The following CAMSAP1 variants were observed in gnomAD, a reference collection of about 807,000 sequenced individuals.
CAMSAP1 encodes calmodulin regulated spectrin associated protein 1.
CAMSAP1 carries 58 observed loss-of-function variants against 143.5 expected under a neutral mutation model. The observed-to-expected ratio is 0.40, with a 90% CI of 0.33 to 0.50. The LOEUF is 0.50. Among genes scored for constraint, CAMSAP1 ranks in the 20% least tolerant of loss-of-function variants. CAMSAP1 has a pLI of 0.45. For synonymous variants in CAMSAP1, 945 were observed against 859.3 expected, an observed-to-expected ratio of 1.10 and a Z score of -1.74; for missense variants, 1,969 against 2,115.7, an observed-to-expected ratio of 0.93 and a Z score of 1.36.
intron 7 of CAMSAP1, among the ~76,000 whole-genome samples, chr9:135,828,201 C>T (rs1442074086): frequency 2.0e-5 from 3 of 152,252 alleles, no homozygotes; most frequent in Non-Finnish European, 4.4e-5. Context: ...CAGCCCCAAA[C>T]AGTGACTCTG....
At chr9:135,861,309 C>T (rs1837181929) in intron 5 of CAMSAP1, among the ~76,000 whole-genome samples, 2 of 144,448 alleles carry the variant, frequency 1.4e-5, no homozygotes. Flanking sequence ...CTCCTTCTTC[C>T]TTTTTTTTTT....
chr9:135,884,970 T>C (rs903057437), intron 1 of CAMSAP1, among the ~76,000 whole-genome samples: 1 of 152,128 alleles, frequency 6.6e-6, no homozygotes, highest in East Asian at 1.9e-4. Context: ...CTGAAAACGT[T>C]TGCAGCAGTT....
chr9:135,897,784 A>C (rs1838500815), intron 1 of CAMSAP1, among the ~76,000 whole-genome samples: 2 of 152,222 alleles, frequency 1.3e-5, no homozygotes, highest in African/African-American at 4.8e-5. Context: ...CATGCTACTC[A>C]GAACAGCATG....
At chr9:135,869,513 A>C (rs1035448678) in intron 3 of CAMSAP1, among the ~76,000 whole-genome samples, 10 of 152,072 alleles carry the variant, frequency 6.6e-5, no homozygotes, top group Non-Finnish European at 1.2e-4. Context: ...AAACAAAAAA[A>C]AAAAAAAACA....
At chr9:135,849,243 T>A (rs1019120460) in intron 7 of CAMSAP1, among the ~76,000 whole-genome samples, 4 of 152,200 alleles carry the variant, frequency 2.6e-5, no homozygotes, top group African/African-American at 9.7e-5. Context: ...TGTTTTAGAA[T>A]AAAGTGCTGA....
chr9:135,853,945 C>G (rs1353683510), intron 5 of CAMSAP1, among the ~76,000 whole-genome samples: 1 of 152,248 alleles, frequency 6.6e-6, no homozygotes, highest in Non-Finnish European at 1.5e-5. Context: ...ACTGAGATGA[C>G]TGTAGAGAAT....
rs768391380 is a variant in CAMSAP1 at position 135,821,878 on chromosome 9, G to A, written c.2783C>T (p.Pro928Leu). 19 of 1,613,884 alleles carry A rather than the reference G, an allele frequency of 1.2e-5. No individual in the cohort carries two copies. In the African/African-American group the frequency reaches 2.0e-4, roughly 17 times the overall value. ...VVKKGKAEAA[P>L]PLRPEHFAKE... ...TGCAAAGTGCTCCGGCCTGAGGGGTGGGGCAGCCTCGGCCTTGCCCTTCTT... is the reference window on the plus strand; with the variant it reads ...TGCAAAGTGCTCCGGCCTGAGGGGTAGGGCAGCCTCGGCCTTGCCCTTCTT... Residue 928 changes from proline (P) to leucine (L), a missense_variant, in exon 11 of 17, where the codon CCA (proline) becomes CTA (leucine). By Grantham distance (98) the Pro-to-Leu change is moderately conservative. Transcript: ENST00000389532. This position sits in a 1 kb window ranked among gnomAD's most constrained non-coding sequence, Gnocchi z 4.6.
intron 14 of CAMSAP1, among the ~76,000 whole-genome samples, chr9:135,817,466 A>G (rs569525202): frequency 6.6e-6 from 1 of 152,018 alleles, no homozygotes; most frequent in East Asian, 1.9e-4. Context: ...AGCACAGCTC[A>G]CTGCAGCCTC....
Position 135,862,542 on chromosome 9 carries a change from T to C in CAMSAP1, c.733A>G (p.Met245Val). The C allele has an allele frequency of 6.4e-7, 1 of 1,551,734 alleles. No homozygotes were observed. Among genetic ancestry groups the C allele is most frequent in the Non-Finnish European group, 8.7e-7 (1 of 1,147,006 alleles). Reference sequence around the variant, plus strand: ...GCAGCACCATCACTGCCGTCTCTCATCAAATCCTCCAACAACGGGAAGTAG... The same window carrying C: ...GCAGCACCATCACTGCCGTCTCTCACCAAATCCTCCAACAACGGGAAGTAG... ...SPYFPLLEDL[M>V]RDGSDGAALL... is the part of the protein sequence containing the mutation. Residue 245 changes from methionine (M) to valine (V), a missense_variant, in exon 5 of 17, where the codon ATG (methionine) becomes GTG (valine). By Grantham distance (21) the Met-to-Val change is conservative. Coordinates refer to ENST00000389532, the MANE Select transcript of CAMSAP1 (RefSeq NM_015447.4).
At position 135,818,387 on chromosome 9, in the gene CAMSAP1, G is replaced by C. The variant is rs1273159185; in HGVS notation, c.4168+21C>G. The C allele has an allele frequency of 1.3e-6, 2 of 1,545,286 alleles. No individual in the cohort carries two copies. The highest frequency in any genetic ancestry group is 1.9e-5 in the Admixed American group (1 of 52,796). ...GCCCGCGGAAGGAAGCGCTGCCCGCGTGAGGGCCGGGGCTGCTTACGGGTG... is the reference window on the plus strand; with the variant it reads ...GCCCGCGGAAGGAAGCGCTGCCCGCCTGAGGGCCGGGGCTGCTTACGGGTG... On this transcript the variant is annotated intron_variant, in intron 13 of 16. Coordinates refer to ENST00000389532, the MANE Select transcript of CAMSAP1 (RefSeq NM_015447.4). The surrounding 1 kb of genome is among the most constrained non-coding windows in gnomAD (Gnocchi z 7.7).
Position 135,817,897 on chromosome 9 carries a change from C to T in CAMSAP1, c.4271+80G>A, listed in dbSNP as rs188390313. 52 of 1,074,290 alleles carry T rather than the reference C, an allele frequency of 4.8e-5. No homozygotes were observed. The Middle Eastern group carries it at 1.0e-3, about 22-fold the overall frequency. 66.5% of individuals were successfully genotyped at this position (1,074,290 alleles called of 1,614,324 possible). On this transcript the variant is annotated intron_variant, in intron 14 of 16. Transcript: ENST00000389532. ...ATTAAAGTTACAAAAGCCTCTCTCA[C>T]CGTGTTTAATCAGGAAGTCCCACCC... is the stretch of plus-strand genomic sequence containing the variant.
At chr9:135,883,215 AATTG>A (rs373673624) in intron 1 of CAMSAP1, 137 bp from the exon 2 acceptor site, 45 of 897,122 alleles carry the variant, frequency 5.0e-5, no homozygotes, top group South Asian at 1.8e-4. Context: ...CAAAAAAAAT[AATTG>A]ATTGATTGAT....
At chr9:135,860,610 A>G (rs1159012346) in intron 5 of CAMSAP1, among the ~76,000 whole-genome samples, 2 of 151,566 alleles carry the variant, frequency 1.3e-5, no homozygotes, top group East Asian at 3.9e-4. Context: ...AAAAAAAAAA[A>G]AAAAAAAAAA....
At chr9:135,849,895 C>G (rs1436972343) in intron 7 of CAMSAP1, 1 of 360,788 alleles carries the variant, frequency 2.8e-6, no homozygotes, top group Admixed American at 4.3e-5. Flanking sequence ...GAGGTGAGAA[C>G]AGCCATCCTG....
chr9:135,862,630 C>T (rs771769087), intron 4 of CAMSAP1, 22 bp from the exon 5 acceptor site: 9 of 1,550,976 alleles, frequency 5.8e-6, no homozygotes, highest in African/African-American at 2.7e-5. Context: ...AAAAGGAAAA[C>T]GGTCTCTGCA....
intron 7 of CAMSAP1, among the ~76,000 whole-genome samples, chr9:135,848,978 A>G (rs1383808469): frequency 6.6e-6 from 1 of 152,236 alleles, no homozygotes; most frequent in Non-Finnish European, 1.5e-5. Flanking sequence ...GTGCACTCTC[A>G]GACACTGCCC....
At chr9:135,865,177 G>A in intron 4 of CAMSAP1, 2 of 702,566 alleles carry the variant, frequency 2.8e-6, no homozygotes, top group South Asian at 3.8e-5. Context: ...CTCAGAATCA[G>A]GCCAATTCTT....
At chr9:135,901,664 G>A (rs1054427656) in intron 1 of CAMSAP1, among the ~76,000 whole-genome samples, 5 of 152,074 alleles carry the variant, frequency 3.3e-5, no homozygotes, top group South Asian at 2.1e-4. Context: ...CCAGCCTAAC[G>A]ACATCAACTC....
intron 5 of CAMSAP1, among the ~76,000 whole-genome samples, chr9:135,860,269 C>T (rs1040434236): frequency 1.3e-5 from 2 of 150,770 alleles, no homozygotes; most frequent in Non-Finnish European, 3.0e-5. Flanking sequence ...GCATCCAGAA[C>T]TCAGCAGGGA....
Sources: allele counts gnomAD v4.1 joint callset (sites outside exome capture counted in the v4.1 genomes callset), GRCh38; gene constraint gnomAD v4.1.1; non-coding constraint Gnocchi (gnomAD v3.1); transcripts MANE v1.5; gene names NCBI Gene and HGNC (gene_info 2026-07-23, HGNC 2026-07-21).